PHEX: variants seen among roughly 807,000 people sequenced by gnomAD.
The protein encoded by PHEX is phosphate regulating endopeptidase X-linked, also known as phosphate-regulating neutral endopeptidase PHEX.
A neutral mutation model predicts 68.0 loss-of-function variants in PHEX; 16 were observed. The observed-to-expected ratio is 0.24, with a 90% CI of 0.16 to 0.36. The LOEUF (loss-of-function observed/expected upper bound fraction) is 0.36, where lower values mean the gene tolerates loss of function less well. PHEX is among the 10% of genes least tolerant of loss of function. The pLI is 1.00. For missense variants in PHEX, 480 were observed against 575.5 expected (o/e 0.83, Z 1.70); for synonymous variants, 208 against 205.1 (o/e 1.01, Z -0.12).
chrX:22,220,542 C>G (rs1249878613), intron 17 of PHEX, among the ~76,000 whole-genome samples: 1 of 111,941 alleles, frequency 8.9e-6, no homozygotes, highest in African/African-American at 3.2e-5. Flanking sequence ...TCGTTCTGGA[C>G]CTCTCTTGAT....
At chrX:22,222,853 C>CAA (rs996797274) in intron 18 of PHEX, among the ~76,000 whole-genome samples, 3 of 111,731 alleles carry the variant, frequency 2.7e-5, no homozygotes, top group Non-Finnish European at 5.6e-5. Flanking sequence ...AACTGAGGTT[C>CAA]AAAGAGATTA....
At chrX:22,106,734 A>AT (rs1174220615) in intron 9 of PHEX, among the ~76,000 whole-genome samples, 1 of 103,582 alleles carries the variant, frequency 9.7e-6, no homozygotes, top group African/African-American at 3.6e-5. Flanking sequence ...AGATTGTGCC[A>AT]TTACACTCCA....
chrX:22,116,603 A>G (rs1341540524), intron 11 of PHEX, among the ~76,000 whole-genome samples: 4 of 111,684 alleles, frequency 3.6e-5, no homozygotes, highest in African/African-American at 9.8e-5. Context: ...GTATCAGTAC[A>G]TAGTCATTAT....
At chrX:22,066,468 T>C (rs910537429) in intron 3 of PHEX, among the ~76,000 whole-genome samples, 8 of 112,329 alleles carry the variant, frequency 7.1e-5, no homozygotes, top group Non-Finnish European at 1.5e-4. Context: ...AGGTATTTTG[T>C]CAAGCACCCC....
chrX:22,083,801 C>T (rs1040552719), intron 5 of PHEX, among the ~76,000 whole-genome samples: 2 of 112,021 alleles, frequency 1.8e-5, no homozygotes, highest in Non-Finnish European at 3.8e-5. Context: ...TGACTTCTTC[C>T]TTTCCAGTTT....
chrX:22,079,253 T>C (rs7888824), intron 5 of PHEX, among the ~76,000 whole-genome samples: 8,532 of 111,617 alleles, frequency 0.076, 520 homozygotes, highest in African/African-American at 0.2. Flanking sequence ...TCTGGATCTA[T>C]TCAATTGAAT....
At position 22,227,575 on chromosome X, in the gene PHEX, C is replaced by G. The variant is rs1935551417; in HGVS notation, c.2034C>G (p.Phe678Leu). 1 of 1,204,072 alleles carries G rather than the reference C, an allele frequency of 8.3e-7. No homozygotes were observed. The highest frequency in any genetic ancestry group is 1.1e-6 in the Non-Finnish European group (1 of 889,914). Residue 678 changes from phenylalanine to leucine, a missense_variant, in exon 20 of 22, where the codon TTC (phenylalanine) becomes TTG (leucine). By Grantham distance (22) the Phe-to-Leu change is conservative. Coordinates refer to ENST00000379374, the MANE Select transcript of PHEX (RefSeq NM_000444.6). ...AGCCTCTTCTACCAGGCATCACATT[C>G]ACCAACAACCAGCTCTTCTTCCTGA... ...LEEPLLPGIT[F>L]TNNQLFFLSY...
Position 22,094,014 on chromosome X carries a change from A to G in PHEX, c.764A>G (p.Asp255Gly). Residue 255 changes from aspartate to glycine, a missense_variant, in exon 7 of 22, where the codon GAT becomes GGT. Asp to Gly is a moderately conservative substitution (Grantham distance 94). Transcript: ENST00000379374. ...GATGCCCTTTACAAGTTCATGGTGG[A>G]TACTGCCGTGCTTTTAGGAGCTAAC... ...YRDALYKFMV[D>G]TAVLLGANSS... 1 of 1,202,194 alleles carries G rather than the reference A, an allele frequency of 8.3e-7. No homozygotes were observed. Among genetic ancestry groups the G allele is most frequent in the Non-Finnish European group, 1.1e-6 (1 of 887,364 alleles).
chrX:22,165,080 T>C (rs981451233), intron 12 of PHEX, among the ~76,000 whole-genome samples: 10 of 112,211 alleles, frequency 8.9e-5, no homozygotes, highest in African/African-American at 2.9e-4. Context: ...GTAAGGAAAG[T>C]GTACTATCTT....
At position 22,095,298 on chromosome X, in the gene PHEX, C is replaced by G. The variant is rs1351040248; in HGVS notation, c.849+1199C>G. On this transcript the variant is annotated intron_variant, in intron 7 of 21. Transcript: ENST00000379374. The stretch of plus-strand genomic sequence containing the variant: ...CCTCTGAGCCATGTCTAGAGTCTGT[C>G]TGAATTCTCTTTCCAGGCACATAGG... Among the ~76,000 whole-genome samples, 3 of 111,978 alleles carry G rather than the reference C, an allele frequency of 2.7e-5. No homozygotes were observed. The East Asian group carries it at 8.4e-4, about 31-fold the overall frequency.
intron 12 of PHEX, among the ~76,000 whole-genome samples, chrX:22,156,351 T>A (rs1050714575): frequency 8.2e-5 from 9 of 109,926 alleles, no homozygotes; most frequent in African/African-American, 3.0e-4. Flanking sequence ...TTTCCCCCGG[T>A]GCAAGAAGTG....
chrX:22,235,039 C>T (rs944736563), intron 20 of PHEX, among the ~76,000 whole-genome samples: 4 of 110,904 alleles, frequency 3.6e-5, no homozygotes, highest in East Asian at 2.8e-4. Context: ...CTGGAGTGCA[C>T]GGTTCCTCAG....
intron 11 of PHEX, among the ~76,000 whole-genome samples, chrX:22,121,170 C>G (rs1394964543): frequency 1.8e-5 from 2 of 112,163 alleles, no homozygotes; most frequent in Non-Finnish European, 3.8e-5. Flanking sequence ...GAAGACTATT[C>G]AGGACTATTG....
intron 17 of PHEX, 131 bp downstream of exon 17, chrX:22,219,234 TGA>T: frequency 1.9e-6 from 1 of 518,810 alleles, no homozygotes; most frequent in Non-Finnish European, 3.3e-6. Context: ...ATATGATTGC[TGA>T]TTGAAAACTT....
At chrX:22,118,180 C>T (rs5951501) in intron 11 of PHEX, among the ~76,000 whole-genome samples, 1 of 102,084 alleles carries the variant, frequency 9.8e-6, no homozygotes. Flanking sequence ...AATGCAGATT[C>T]TCATTGCATT....
chrX:22,217,044 T>C (rs5904514), intron 16 of PHEX, among the ~76,000 whole-genome samples: 56,699 of 110,397 alleles, frequency 0.51, 12,505 homozygotes, highest in African/African-American at 0.85. Flanking sequence ...GGAGCAGCCC[T>C]GCTTAAAGGA....
At chrX:22,105,356 G>A (rs1388847316) in intron 9 of PHEX, among the ~76,000 whole-genome samples, 6 of 112,324 alleles carry the variant, frequency 5.3e-5, no homozygotes, top group Admixed American at 2.8e-4. Flanking sequence ...AACCTGACAC[G>A]CCTCAGAATC....
At chrX:22,135,853 C>G (rs999241748) in intron 12 of PHEX, among the ~76,000 whole-genome samples, 2 of 111,682 alleles carry the variant, frequency 1.8e-5, no homozygotes, top group Non-Finnish European at 3.8e-5. Context: ...GCCAGGAACT[C>G]TGCTAGTTCC....
intron 20 of PHEX, among the ~76,000 whole-genome samples, chrX:22,235,009 G>A (rs1448050578): frequency 9.0e-6 from 1 of 111,432 alleles, no homozygotes; most frequent in African/African-American, 3.3e-5. Context: ...GAAGACCGTG[G>A]GGAAAGTGCA....
Sources: allele counts gnomAD v4.1 joint callset (sites outside exome capture counted in the v4.1 genomes callset), GRCh38; gene constraint gnomAD v4.1.1; transcripts MANE v1.5; gene names NCBI Gene and HGNC (gene_info 2026-07-23, HGNC 2026-07-21).